The following GATA2 variants were observed in gnomAD, a reference collection of about 807,000 sequenced individuals.
GATA2 encodes endothelial transcription factor GATA-2.
GATA2 carries 6 observed loss-of-function variants against 35.7 expected under a neutral mutation model. The observed-to-expected ratio is 0.17, with a 90% CI of 0.09 to 0.33. The LOEUF is 0.33. GATA2 is among the 10% of genes least tolerant of loss of function. The pLI is 1.00. For missense variants in GATA2, 541 were observed against 656.6 expected (o/e 0.82, Z 1.92); for synonymous variants, 313 against 274.9 (o/e 1.14, Z -1.37).
At chr3:128,491,750 C>A (rs2068771112) in intron 1 of GATA2, among the ~76,000 whole-genome samples, 1 of 152,090 alleles carries the variant, frequency 6.6e-6, no homozygotes, top group Non-Finnish European at 1.5e-5. Context: ...TGGACCCAGG[C>A]GCCTCCGAGA....
In GATA2 at chr3:128,479,536, CTT is replaced by C. The variant is rs1306943485; in HGVS notation, c.*1481_*1482del. ...AAATGTTGTACATAATTAACAATAA[CTT>C]AGTTCACTAATCCAAAATAAAACAA... On this transcript the variant is annotated 3_prime_UTR_variant, in exon 6 of 6. Transcript: ENST00000341105. 2 of 233,342 alleles carry C rather than the reference CTT, an allele frequency of 8.6e-6. No homozygotes were observed. Among genetic ancestry groups the C allele is most frequent in the Non-Finnish European group, 1.7e-5 (2 of 117,898 alleles). The allele number at this position is 233,342 out of a possible 1,614,324, so 14.5% of individuals were successfully genotyped here. A position where few individuals can be genotyped will look rare whatever the true frequency, so the allele number is the denominator to read the frequency against.
Position 128,481,047 on chromosome 3 carries a change from G to A in GATA2, c.1415C>T (p.Pro472Leu), listed in dbSNP as rs779338723. The stretch of plus-strand genomic sequence containing the variant: ...GCCCATGGCGGTCACCATGCTGGAC[G>A]GGTGGGGGTGGCCGAAGGAGAGGCT... ...SSSLSFGHPH[P>L]SSMVTAMG The change falls in exon 6 of 6, where the codon CCG becomes CTG. Residue 472 changes from proline (P) to leucine (L), a missense_variant. This residue lies in a region of GATA2 where 95 missense variants were observed against 114.0 expected (regional missense o/e 0.83). Coordinates refer to ENST00000341105, the MANE Select transcript of GATA2 (RefSeq NM_032638.5). 1.7e-5 allele frequency: 27 copies of A among 1,591,316 alleles called. No individual in the cohort carries two copies. The South Asian group carries it at 2.2e-4, about 13-fold the overall frequency.
At chr3:128,487,154 G>T in intron 1 of GATA2, 78 bp from the exon 2 acceptor site, 1 of 763,458 alleles carries the variant, frequency 1.3e-6, no homozygotes, top group Non-Finnish European at 2.1e-6. Flanking sequence ...TGTCCCGCAC[G>T]CCACGGAGCC....
In GATA2 at chr3:128,486,765, G is replaced by A. The variant is rs188629393; in HGVS notation, c.229+38C>T. On this transcript the variant is annotated intron_variant, in intron 2 of 5. Coordinates refer to ENST00000341105, the MANE Select transcript of GATA2 (RefSeq NM_032638.5). ...TCCTCCCCTCCCTCGCCTGGCGCGC[G>A]GCGCCTGGGTTCTCATCACCACGGG... 1.8e-3 allele frequency: 2,832 copies of A among 1,547,568 alleles called. 39 individuals carry two copies. The East Asian group carries it at 0.03, about 16-fold the overall frequency.
intron 5 of GATA2, 88 bp downstream of exon 5, chr3:128,481,731 G>T: frequency 2.0e-6 from 3 of 1,500,676 alleles, no homozygotes; most frequent in South Asian, 1.2e-5. Flanking sequence ...AGCCAAGCTG[G>T]ATATTGTGGC....
At chr3:128,492,785 G>GC (rs1456793154) in intron 1 of GATA2, 114 bp downstream of exon 1, 1 of 152,384 alleles carries the variant, frequency 6.6e-6, no homozygotes, top group Non-Finnish European at 1.5e-5. Flanking sequence ...GCCAAGGCGA[G>GC]CCCCAAAGGT....
chr3:128,481,803 G>C lies in GATA2; in HGVS notation c.1143+16C>G. ...CCCCTGGGAGGGGCGGGGTGGCCGGGGCGGGGCGCACTCACATTGTGCAGC... is the reference window on the plus strand; with the variant it reads ...CCCCTGGGAGGGGCGGGGTGGCCGGCGCGGGGCGCACTCACATTGTGCAGC... On this transcript the variant is annotated intron_variant, in intron 5 of 5. Transcript: ENST00000341105. 1 of 1,610,506 alleles carries C rather than the reference G, an allele frequency of 6.2e-7. No homozygotes were observed. The highest frequency in any genetic ancestry group is 8.5e-7 in the Non-Finnish European group (1 of 1,178,114).
intron 3 of GATA2, 127 bp from the exon 4 acceptor site, chr3:128,484,132 T>A: frequency 8.5e-7 from 1 of 1,180,944 alleles, no homozygotes; most frequent in Non-Finnish European, 1.2e-6. Flanking sequence ...GGCCTGGGCC[T>A]GGCTGCAACA....
At chr3:128,486,672 T>A in intron 2 of GATA2, 131 bp downstream of exon 2, 1 of 992,808 alleles carries the variant, frequency 1.0e-6, no homozygotes, top group South Asian at 1.5e-5. Context: ...CTCCCACCTC[T>A]CCCGCCCCAA....
rs2068614913 is a variant in GATA2 at position 128,480,730 on chromosome 3, G to C, written c.*289C>G. On this transcript the variant is annotated 3_prime_UTR_variant, in exon 6 of 6. Coordinates refer to ENST00000341105, the MANE Select transcript of GATA2 (RefSeq NM_032638.5). Reference sequence around the variant, plus strand: ...TTTCCTTCTAAAAATGGTTGCCTTCGTCTGTCCCGTCCCCTCCTTTTCTCT... The same window carrying C: ...TTTCCTTCTAAAAATGGTTGCCTTCCTCTGTCCCGTCCCCTCCTTTTCTCT... 2 of 411,544 alleles carry C rather than the reference G, an allele frequency of 4.9e-6. No homozygotes were observed. The highest frequency in any genetic ancestry group is 8.6e-6 in the Non-Finnish European group (2 of 232,646). 25.5% of individuals were successfully genotyped at this position (411,544 alleles called of 1,614,324 possible).
chr3:128,484,867 T>C (rs1386265812), intron 3 of GATA2, among the ~76,000 whole-genome samples: 3 of 152,198 alleles, frequency 2.0e-5, no homozygotes, highest in Non-Finnish European at 4.4e-5. Context: ...ATTCTTGATT[T>C]AGTTTAAACT....
In GATA2 at chr3:128,482,063, T is replaced by G; in HGVS notation, c.1018-119A>C. On this transcript the variant is annotated intron_variant, in intron 4 of 5. Coordinates refer to ENST00000341105, the MANE Select transcript of GATA2 (RefSeq NM_032638.5). ...CAGTCAAGGAGGGCTAAATCTCACA[T>G]GGGAATCAAAGCATCTCAGAACCAT... The G allele has an allele frequency of 2.3e-6, 3 of 1,296,376 alleles. No homozygotes were observed. In the South Asian group the frequency reaches 3.8e-5, roughly 17 times the overall value. The allele number at this position is 1,296,376 out of a possible 1,614,324, so 80.3% of individuals were successfully genotyped here.
In GATA2 at chr3:128,485,901, G is replaced by T. The variant is rs745497331; in HGVS notation, c.697C>A (p.Leu233Ile). The T allele has an allele frequency of 6.2e-7, 1 of 1,614,146 alleles. No individual in the cohort carries two copies. The highest frequency in any genetic ancestry group is 8.5e-7 in the Non-Finnish European group (1 of 1,179,986). ...GCAGGCTGGGTGCCCATAGTAGCTA[G>T]GCCTGGGCGCAGGGGACTGCCACTT... ...MESGSPLRPGLATMGTQPATH... is the reference protein window; with the variant it reads ...MESGSPLRPGIATMGTQPATH... Residue 233 changes from leucine to isoleucine, a missense_variant, in exon 3 of 6, where the codon CTA becomes ATA. Leu to Ile is a conservative substitution (Grantham distance 5). Transcript: ENST00000341105.
rs966071909 is a variant in GATA2, at chr3:128,480,608, C to T, written c.*411G>A. The T allele has an allele frequency of 2.9e-5, 8 of 273,110 alleles. No homozygotes were observed. The highest frequency in any genetic ancestry group is 1.5e-4 in the Admixed American group (3 of 19,540). The allele number at this position is 273,110 out of a possible 1,614,324, so 16.9% of individuals were successfully genotyped here. On this transcript the variant is annotated 3_prime_UTR_variant, in exon 6 of 6. Coordinates refer to ENST00000341105, the MANE Select transcript of GATA2 (RefSeq NM_032638.5). ...CCCTGGCAAGTGGACCCGCCAATCC[C>T]GAGGAAGAACCGGAGGACTTGGGAC...
At chr3:128,492,298 G>C (rs985206455) in intron 1 of GATA2, 3 of 152,266 alleles carry the variant, frequency 2.0e-5, no homozygotes, top group Admixed American at 1.3e-4. Flanking sequence ...ACCGGCGGCA[G>C]ATCTTCAAGC....
chr3:128,487,165 C>T, intron 1 of GATA2, 89 bp from the exon 2 acceptor site: 1 of 707,720 alleles, frequency 1.4e-6, no homozygotes, highest in Non-Finnish European at 2.3e-6. Flanking sequence ...CCACGGAGCC[C>T]CAGCCCAGAT....
intron 4 of GATA2, among the ~76,000 whole-genome samples, chr3:128,482,325 C>T (rs1244093324): frequency 6.6e-6 from 1 of 152,152 alleles, no homozygotes; most frequent in Non-Finnish European, 1.5e-5. Flanking sequence ...CCTCGAGCCC[C>T]TGGATCTGGG....
intron 2 of GATA2, 44 bp downstream of exon 2, chr3:128,486,759 G>A (rs765100425): frequency 6.5e-7 from 1 of 1,541,492 alleles, no homozygotes; most frequent in East Asian, 2.3e-5. Context: ...CCCTCGCCTG[G>A]CGCGCGGCGC....
intron 4 of GATA2, 144 bp downstream of exon 4, chr3:128,483,716 C>A (rs1461548414): frequency 1.7e-6 from 2 of 1,162,488 alleles, no homozygotes; most frequent in Non-Finnish European, 2.5e-6. Flanking sequence ...GAGAGACGAC[C>A]CCAACTGACA....
Sources: allele counts gnomAD v4.1 joint callset (sites outside exome capture counted in the v4.1 genomes callset), GRCh38; gene constraint gnomAD v4.1.1; regional missense constraint gnomAD v4.1.1; transcripts MANE v1.5; gene names NCBI Gene and HGNC (gene_info 2026-07-23, HGNC 2026-07-21).